The following SMC1B variants were observed in gnomAD, a reference collection of about 807,000 sequenced individuals.
SMC1B encodes the protein structural maintenance of chromosomes protein 1B.
A neutral mutation model predicts 157.9 loss-of-function variants in SMC1B; 60 were observed. The observed-to-expected ratio is 0.38, with a 90% confidence interval of 0.31 to 0.47. The LOEUF is 0.47. SMC1B is among the 20% of genes least tolerant of loss of function. The pLI is 0.99. For synonymous variants in SMC1B, 445 were observed against 483.0 expected, an observed-to-expected ratio of 0.92 and a Z score of 1.03; for missense variants, 1,165 against 1,426.2, an observed-to-expected ratio of 0.82 and a Z score of 2.95.
Position 45,345,016 on chromosome 22 carries a change from T to G in SMC1B, c.3607-359A>C, listed in dbSNP as rs1286395423. Among the ~76,000 whole-genome samples the G allele has an allele frequency of 2.6e-5, 4 of 152,282 alleles. No homozygotes were observed. In the East Asian group the frequency reaches 7.7e-4, roughly 29 times the overall value. On this transcript the variant is annotated intron_variant, in intron 24 of 24. Coordinates refer to ENST00000357450, the MANE Select transcript of SMC1B (RefSeq NM_148674.5). ...AGTATTTTCAATGGCTTGAGAAAGGTGTGTTCACATTTTAGAAGTTACTAT... is the reference window on the plus strand; with the variant it reads ...AGTATTTTCAATGGCTTGAGAAAGGGGTGTTCACATTTTAGAAGTTACTAT...
At chr22:45,364,316 ATTTT>A (rs978740932) in intron 15 of SMC1B, among the ~76,000 whole-genome samples, 2 of 152,044 alleles carry the variant, frequency 1.3e-5, no homozygotes, top group Non-Finnish European at 2.9e-5. Flanking sequence ...TTCGAGAAAC[ATTTT>A]TAAGTACTAA....
chr22:45,379,250 A>C (rs554856562), intron 12 of SMC1B, among the ~76,000 whole-genome samples: 20 of 152,358 alleles, frequency 1.3e-4, no homozygotes, highest in Admixed American at 5.9e-4. Flanking sequence ...TTGGCCTCCC[A>C]AAGTGTTGGG....
At chr22:45,345,080 T>A (rs1273584012) in intron 24 of SMC1B, among the ~76,000 whole-genome samples, 1 of 152,216 alleles carries the variant, frequency 6.6e-6, no homozygotes, top group Non-Finnish European at 1.5e-5. Context: ...TGTTTTGTCC[T>A]CTGATACTTT....
chr22:45,404,754 A>T (rs1007965671), intron 4 of SMC1B, among the ~76,000 whole-genome samples: 12 of 152,304 alleles, frequency 7.9e-5, no homozygotes, highest in Non-Finnish European at 1.3e-4. Flanking sequence ...GTATTGACTG[A>T]TGTCTTATGT....
chr22:45,394,137 T>A (rs2087094588), intron 8 of SMC1B, among the ~76,000 whole-genome samples: 2 of 151,294 alleles, frequency 1.3e-5, no homozygotes, highest in South Asian at 4.2e-4. Flanking sequence ...CCTGGCAACA[T>A]GGCAAAAACC....
In SMC1B at chr22:45,352,538, GC is replaced by G; in HGVS notation, c.3337del (p.Ala1113ProfsTer39). 1 of 1,614,040 alleles carries G rather than the reference GC, an allele frequency of 6.2e-7. No individual in the cohort carries two copies. Among genetic ancestry groups the G allele is most frequent in the Non-Finnish European group, 8.5e-7 (1 of 1,179,950 alleles). Reference protein sequence around the residue: ...YLEGISYNCVAPGKRFMPMDN... With the variant: ...YLEGISYNCVXPGKRFMPMDN... ...CATTGGCATAAACCGTTTGCCTGGG[GC>G]CACACAGTTATAGCTAATTCCCTCC... On this transcript the variant is annotated frameshift_variant, in exon 22 of 25. Transcript: ENST00000357450. LOFTEE classifies it high-confidence loss of function.
chr22:45,413,376 C>T (rs2087376895), intron 1 of SMC1B, 83 bp downstream of exon 1: 6 of 1,106,930 alleles, frequency 5.4e-6, no homozygotes, highest in Middle Eastern at 2.9e-4. Flanking sequence ...CCGCGGCAGA[C>T]GCCCACACCC....
intron 15 of SMC1B, among the ~76,000 whole-genome samples, chr22:45,363,724 A>G (rs75291396): frequency 2.0e-5 from 3 of 152,174 alleles, no homozygotes; most frequent in Non-Finnish European, 4.4e-5. Flanking sequence ...AAAAAGAAAA[A>G]TTGGTTGTTT....
At chr22:45,404,955 C>T (rs949998666) in intron 4 of SMC1B, among the ~76,000 whole-genome samples, 2 of 152,134 alleles carry the variant, frequency 1.3e-5, no homozygotes, top group Non-Finnish European at 2.9e-5. Context: ...TAATTTTATA[C>T]AGCAATAAAC....
At chr22:45,358,848 G>T in intron 18 of SMC1B, 53 bp from the exon 19 acceptor site, 1 of 1,341,966 alleles carries the variant, frequency 7.5e-7, no homozygotes, top group Non-Finnish European at 1.1e-6. Flanking sequence ...TGTCTTATAT[G>T]GGAGTGGTTC....
At chr22:45,360,076 G>A (rs2086706900) in intron 17 of SMC1B, 118 bp from the exon 18 acceptor site, 1 of 729,704 alleles carries the variant, frequency 1.4e-6, no homozygotes, top group Admixed American at 3.0e-5. Context: ...TGTGAGTGCT[G>A]TAAGTTCTAG....
chr22:45,366,590 G>T (rs997550143), intron 15 of SMC1B, among the ~76,000 whole-genome samples: 27 of 152,182 alleles, frequency 1.8e-4, no homozygotes, highest in African/African-American at 6.3e-4. Flanking sequence ...TAATAACAAG[G>T]CTTGAAAATA....
intron 6 of SMC1B, among the ~76,000 whole-genome samples, chr22:45,397,441 A>C (rs1340509411): frequency 6.6e-6 from 1 of 152,184 alleles, no homozygotes; most frequent in Non-Finnish European, 1.5e-5. Flanking sequence ...GCAGTGAACT[A>C]TGATTGATAG....
intron 1 of SMC1B, among the ~76,000 whole-genome samples, chr22:45,411,277 T>C (rs1228073285): frequency 6.6e-6 from 1 of 152,156 alleles, no homozygotes; most frequent in Non-Finnish European, 1.5e-5. Context: ...TAAGTACTAA[T>C]ACAAGGAGCA....
rs1569201968 is a variant in SMC1B at position 45,408,698 on chromosome 22, A to T, written c.298+12T>A. The T allele has an allele frequency of 6.4e-7, 1 of 1,553,762 alleles. No homozygotes were observed. Among genetic ancestry groups the T allele is most frequent in the Non-Finnish European group, 8.7e-7 (1 of 1,154,544 alleles). Reference sequence around the variant, plus strand: ...TTGAAAAATAAAATGAAAAAAAATTATAAAAAAATACCTCGGATAATCCTT... The same window carrying T: ...TTGAAAAATAAAATGAAAAAAAATTTTAAAAAAATACCTCGGATAATCCTT... On this transcript the variant is annotated intron_variant, in intron 2 of 24. Transcript: ENST00000357450.
At chr22:45,402,282 C>G in intron 5 of SMC1B, 51 bp downstream of exon 5, 1 of 1,183,460 alleles carries the variant, frequency 8.4e-7, no homozygotes. Flanking sequence ...ATTATTCCCT[C>G]TATCAAGCTA....
At chr22:45,410,816 G>A (rs1056134685) in intron 1 of SMC1B, among the ~76,000 whole-genome samples, 7 of 152,098 alleles carry the variant, frequency 4.6e-5, no homozygotes, top group African/African-American at 1.7e-4. Context: ...AGAGGTTTAG[G>A]GTCTTTCTAA....
At chr22:45,376,379 T>C (rs1001645446) in intron 12 of SMC1B, among the ~76,000 whole-genome samples, 6 of 152,178 alleles carry the variant, frequency 3.9e-5, no homozygotes, top group Non-Finnish European at 8.8e-5. Flanking sequence ...CCATTTTTAA[T>C]GCTGAATAAT....
chr22:45,364,217 T>A (rs1360137681), intron 15 of SMC1B, among the ~76,000 whole-genome samples: 1 of 152,052 alleles, frequency 6.6e-6, no homozygotes, highest in Non-Finnish European at 1.5e-5. Context: ...CTTCATAAAC[T>A]CCTCATAAAG....
Sources: allele counts gnomAD v4.1 joint callset (sites outside exome capture counted in the v4.1 genomes callset), GRCh38; gene constraint gnomAD v4.1.1; transcripts MANE v1.5; gene names NCBI Gene and HGNC (gene_info 2026-07-23, HGNC 2026-07-21).